The following IMPA2 variants were observed in gnomAD, a reference collection of about 807,000 sequenced individuals.
IMPA2 encodes inositol monophosphatase 2.
A neutral mutation model predicts 35.1 loss-of-function variants in IMPA2; 32 were observed. The ratio of observed to expected loss-of-function variants is 0.91; its 90% CI spans 0.69 to 1.23. The LOEUF (loss-of-function observed/expected upper bound fraction) is 1.23. Ranked by LOEUF, IMPA2 falls within the 50% of genes most tolerant of loss-of-function variation. The probability of loss-of-function intolerance (pLI) is 0.00; values close to 1 mark genes in which losing one functional copy is unlikely to be tolerated. For synonymous variants in IMPA2, 135 were observed against 160.6 expected (o/e 0.84, Z 1.20); for missense variants, 334 against 387.6 (o/e 0.86, Z 1.16).
intron 4 of IMPA2, among the ~76,000 whole-genome samples, chr18:12,013,166 A>C (rs1479436764): frequency 6.6e-6 from 1 of 152,104 alleles, no homozygotes; most frequent in Non-Finnish European, 1.5e-5. Flanking sequence ...TGGGTTGGCT[A>C]GGGTCTGTCC....
chr18:12,008,149 C>A (rs996034941), intron 2 of IMPA2, among the ~76,000 whole-genome samples: 1 of 152,122 alleles, frequency 6.6e-6, no homozygotes, highest in Non-Finnish European at 1.5e-5. Flanking sequence ...GCGCCCACCA[C>A]CACGCCCAGC....
At chr18:12,015,746 A>G (rs1907559967) in intron 5 of IMPA2, among the ~76,000 whole-genome samples, 1 of 152,240 alleles carries the variant, frequency 6.6e-6, no homozygotes, top group Non-Finnish European at 1.5e-5. Flanking sequence ...TGAAAAAAGT[A>G]GCTTTAATTA....
chr18:12,007,671 C>CTTTCTTTCTTTCTTTCTTTCTTTCT (rs1907310856), intron 2 of IMPA2, among the ~76,000 whole-genome samples: 1 of 74,694 alleles, frequency 1.3e-5, no homozygotes, highest in East Asian at 2.9e-4. Flanking sequence ...TTCTTTCTTT[C>CTTTCTTTCTTTCTTTCTTTCTTTCT]TTTCTTTCCT....
chr18:12,012,858 G>T (rs1390875333), intron 4 of IMPA2, among the ~76,000 whole-genome samples: 2 of 152,230 alleles, frequency 1.3e-5, no homozygotes, highest in African/African-American at 4.8e-5. Context: ...AGCAGCATTT[G>T]TGCAGCTTCA....
intron 5 of IMPA2, among the ~76,000 whole-genome samples, chr18:12,024,715 TC>T (rs1224868016): frequency 1.3e-5 from 2 of 151,982 alleles, no homozygotes; most frequent in Non-Finnish European, 2.9e-5. Context: ...CTTGCTTTTC[TC>T]CCCCTCCCTC....
chr18:11,994,081 A>G (rs1488232869), intron 1 of IMPA2: 1 of 152,282 alleles, frequency 6.6e-6, no homozygotes, highest in Admixed American at 6.5e-5. Flanking sequence ...TAATATTTTA[A>G]AAGATTATGA....
Position 12,030,628 on chromosome 18 carries a change from C to G in IMPA2, c.*170C>G. ...TGGCTGGCCTTTTAAATCGACGTCT[C>G]TCTCACCAGGATTTGGTGTTTAGCT... On this transcript the variant is annotated 3_prime_UTR_variant, in exon 8 of 8. Coordinates refer to ENST00000269159, the MANE Select transcript of IMPA2 (RefSeq NM_014214.3). The G allele has an allele frequency of 1.7e-6, 1 of 595,576 alleles. No homozygotes were observed. Among genetic ancestry groups the G allele is most frequent in the Non-Finnish European group, 3.0e-6 (1 of 334,160 alleles). 36.9% of individuals were successfully genotyped at this position (595,576 alleles called of 1,614,324 possible).
intron 2 of IMPA2, among the ~76,000 whole-genome samples, chr18:12,006,298 G>GT (rs1239423552): frequency 1.3e-5 from 2 of 152,214 alleles, no homozygotes; most frequent in African/African-American, 4.8e-5. Context: ...TCCTAGATCT[G>GT]TTTGGGGAGC....
intron 5 of IMPA2, chr18:12,017,945 GTTT>G: frequency 6.5e-6 from 1 of 152,878 alleles, no homozygotes. Flanking sequence ...TTTTTTTTCT[GTTT>G]TTTTTTTTCT....
intron 5 of IMPA2, among the ~76,000 whole-genome samples, chr18:12,023,085 GCACCCAGCCTA>G: frequency 6.6e-6 from 1 of 151,604 alleles, no homozygotes; most frequent in South Asian, 2.1e-4. Context: ...ATGAGCCACT[GCACCCAGCCTA>G]TACTCTGTTC....
intron 5 of IMPA2, among the ~76,000 whole-genome samples, chr18:12,024,724 C>T (rs1468272861): frequency 2.0e-5 from 3 of 151,974 alleles, no homozygotes; most frequent in Non-Finnish European, 2.9e-5. Context: ...CTCCCCCTCC[C>T]TCCTCCCTCC....
rs1228658393 is a variant in IMPA2 at position 11,981,547 on chromosome 18, T to A, written c.-123T>A. The A allele has an allele frequency of 1.7e-6, 1 of 595,008 alleles. No individual in the cohort carries two copies. Among genetic ancestry groups the A allele is most frequent in the Non-Finnish European group, 2.4e-6 (1 of 408,918 alleles). 36.9% of individuals were successfully genotyped at this position (595,008 alleles called of 1,614,324 possible). A position where few individuals can be genotyped will look rare whatever the true frequency, so the allele number is the denominator to read the frequency against. ...CGCAGGTGTGGGACGGGCGGCGGAC[T>A]AGGCACAGAGCTGCGGGAGCAGGCA... On this transcript the variant is annotated 5_prime_UTR_variant, in exon 1 of 8. Transcript: ENST00000269159.
At chr18:11,989,806 C>T (rs1026311888) in intron 1 of IMPA2, among the ~76,000 whole-genome samples, 7 of 152,102 alleles carry the variant, frequency 4.6e-5, no homozygotes, top group Admixed American at 3.3e-4. Context: ...GTCACTTGCT[C>T]ACCCCAATGA....
intron 2 of IMPA2, chr18:12,008,377 G>C: frequency 1.9e-6 from 1 of 518,962 alleles, no homozygotes; most frequent in Non-Finnish European, 3.8e-6. Flanking sequence ...CACAGGAACT[G>C]GATAGAAAAC....
chr18:12,022,506 A>G (rs1907756320), intron 5 of IMPA2, among the ~76,000 whole-genome samples: 1 of 118,152 alleles, frequency 8.5e-6, no homozygotes, highest in African/African-American at 2.9e-5. Flanking sequence ...CTGCTGACAG[A>G]ATGGGGCTCC....
At chr18:12,006,358 C>T (rs1907247249) in intron 2 of IMPA2, among the ~76,000 whole-genome samples, 1 of 152,248 alleles carries the variant, frequency 6.6e-6, no homozygotes, top group African/African-American at 2.4e-5. Flanking sequence ...CATCACCTGA[C>T]CTAGAAGCAT....
chr18:12,008,569 C>T (rs1432864750), intron 2 of IMPA2: 1 of 456,786 alleles, frequency 2.2e-6, no homozygotes, highest in Non-Finnish European at 4.4e-6. Flanking sequence ...GCGGCCAGCT[C>T]CACAGGGACC....
intron 5 of IMPA2, among the ~76,000 whole-genome samples, chr18:12,017,013 T>C (rs1568036170): frequency 6.6e-6 from 1 of 152,024 alleles, no homozygotes; most frequent in East Asian, 1.9e-4. Context: ...ACCACTAATC[T>C]CTCTCTCTTT....
At chr18:11,981,907 A>G in intron 1 of IMPA2, 142 bp downstream of exon 1, 1 of 465,328 alleles carries the variant, frequency 2.1e-6, no homozygotes, top group Non-Finnish European at 3.4e-6. Flanking sequence ...CGGAGCGGTG[A>G]AAGGAGCCTT....
Sources: allele counts gnomAD v4.1 joint callset (sites outside exome capture counted in the v4.1 genomes callset), GRCh38; gene constraint gnomAD v4.1.1; transcripts MANE v1.5; gene names NCBI Gene and HGNC (gene_info 2026-07-23, HGNC 2026-07-21).